NTRK3: variants seen among roughly 807,000 people sequenced by gnomAD.
NTRK3 encodes the protein neurotrophic receptor tyrosine kinase 3, also known as NT-3 growth factor receptor.
Under a neutral mutation model 91.7 loss-of-function variants are expected in NTRK3, and 24 were observed. The observed-to-expected ratio is 0.26, with a 90% confidence interval of 0.19 to 0.37. The LOEUF is 0.37. Among genes scored for constraint, NTRK3 ranks in the 10% least tolerant of loss-of-function variants. NTRK3 has a pLI of 1.00. For synonymous variants in NTRK3, 483 were observed against 404.0 expected (o/e 1.20, Z -2.34); for missense variants, 880 against 1,068.9 (o/e 0.82, Z 2.46).
intron 13 of NTRK3, chr15:88,072,471 T>TCCA (rs2047177591): frequency 4.3e-6 from 1 of 230,894 alleles, no homozygotes. Flanking sequence ...GTCTCACTCT[T>TCCA]CCAAGTCTTT....
chr15:87,985,371 T>C (rs1479480480), intron 14 of NTRK3, among the ~76,000 whole-genome samples: 1 of 152,228 alleles, frequency 6.6e-6, no homozygotes, highest in African/African-American at 2.4e-5. Context: ...AATATAGCTG[T>C]ACATTTCATG....
intron 13 of NTRK3, among the ~76,000 whole-genome samples, chr15:88,060,299 G>A (rs559363023): frequency 1.5e-4 from 22 of 150,608 alleles, no homozygotes; most frequent in Admixed American, 2.7e-4. Flanking sequence ...CAGGAAACTC[G>A]CTTAAACCCA....
chr15:87,938,879 C>A (rs1307091277), intron 15 of NTRK3, among the ~76,000 whole-genome samples: 4 of 152,170 alleles, frequency 2.6e-5, no homozygotes, highest in African/African-American at 7.2e-5. Context: ...TCTATGCAGG[C>A]ACACTGAGCA....
exon 3 of NTRK3, chr15:88,256,120 A>G: frequency 8.7e-6 from 14 of 1,604,716 alleles, no homozygotes; most frequent in Non-Finnish European, 1.0e-5. Context: ...ATCCGCCAGA[A>G]ACTACACTTG....
intron 5 of NTRK3, among the ~76,000 whole-genome samples, chr15:88,147,734 C>A (rs1030617400): frequency 2.6e-5 from 4 of 152,096 alleles, no homozygotes; most frequent in Non-Finnish European, 5.9e-5. Context: ...ATGAAGCCAT[C>A]CTTCTCTAAG....
intron 5 of NTRK3, among the ~76,000 whole-genome samples, chr15:88,166,667 T>C (rs757268652): frequency 1.1e-4 from 16 of 152,196 alleles, no homozygotes; most frequent in Non-Finnish European, 2.1e-4. Context: ...TTTGGGAACG[T>C]TGGACTCCTG....
At chr15:87,862,048 G>A (rs2064541391) in exon 19 of NTRK3, 1 of 213,026 alleles carries the variant, frequency 4.7e-6, no homozygotes, top group African/African-American at 2.3e-5. Context: ...AATATGGGAA[G>A]GTTCCTGGAT....
At chr15:87,894,534 C>T (rs973920555) in intron 17 of NTRK3, among the ~76,000 whole-genome samples, 1 of 152,122 alleles carries the variant, frequency 6.6e-6, no homozygotes, top group Admixed American at 6.5e-5. Context: ...GTGAAACTTC[C>T]CTTGGACATT....
chr15:87,946,869 G>C (rs1234026054), intron 14 of NTRK3, among the ~76,000 whole-genome samples: 2 of 142,188 alleles, frequency 1.4e-5, no homozygotes, highest in East Asian at 4.1e-4. Flanking sequence ...TGTCTTTCGT[G>C]GGTTCTTTTT....
chr15:88,158,007 C>A lies in NTRK3; in HGVS notation c.396-10604G>T, dbSNP rs75948177. Among the ~76,000 whole-genome samples, 406 of 152,288 alleles carry A rather than the reference C, an allele frequency of 2.7e-3. 7 individuals carry two copies. The East Asian group carries it at 0.032, about 12-fold the overall frequency. ...ATGGGTAAGGTCATGGCCTTTGGCA[C>A]CTCACGGGCCCGGGTGCCGGTCCTA... On this transcript the variant is annotated intron_variant, in intron 5 of 18. Transcript: ENST00000394480.
intron 6 of NTRK3, among the ~76,000 whole-genome samples, chr15:88,138,719 T>C (rs2042106763): frequency 6.6e-6 from 1 of 152,196 alleles, no homozygotes; most frequent in African/African-American, 2.4e-5. Context: ...CACTGCCCAG[T>C]CCCTTGCCAT....
At position 88,256,106 on chromosome 15, in the gene NTRK3, G is replaced by A. The variant is rs775598513; in HGVS notation, c.48C>T (p.Phe16=). The A allele has an allele frequency of 5.1e-6, 8 of 1,567,086 alleles. No homozygotes were observed. In the South Asian group the frequency reaches 8.8e-5, roughly 17 times the overall value. ...AGTCCAGCCAGACGCTTCCCAGCAA[G>A]AAAATCCGCCAGAAACTACACTTGG... The change falls in exon 3 of 19, where the codon TTC becomes TTT. Residue 16 remains phenylalanine (F), a synonymous_variant. Transcript: ENST00000394480.
intron 13 of NTRK3, among the ~76,000 whole-genome samples, chr15:88,110,526 T>A (rs1426595151): frequency 6.6e-6 from 1 of 152,140 alleles, no homozygotes; most frequent in African/African-American, 2.4e-5. Flanking sequence ...TTGGGTGCAA[T>A]GCCCAAGGGG....
chr15:87,925,505 A>G, intron 17 of NTRK3: 1 of 204,794 alleles, frequency 4.9e-6, no homozygotes, highest in East Asian at 7.2e-5. Flanking sequence ...TGTTAGGCAT[A>G]AGAAGCCAAC....
chr15:87,986,126 G>A (rs1426481102), intron 14 of NTRK3, among the ~76,000 whole-genome samples: 1 of 152,226 alleles, frequency 6.6e-6, no homozygotes, highest in Non-Finnish European at 1.5e-5. Context: ...TGTAATAGCT[G>A]AGCATCTTCT....
chr15:88,076,542 T>G (rs1241179504), intron 13 of NTRK3, among the ~76,000 whole-genome samples: 2 of 152,082 alleles, frequency 1.3e-5, no homozygotes, highest in Non-Finnish European at 2.9e-5. Flanking sequence ...AAATAATATT[T>G]CAATGTAAAC....
chr15:87,995,918 G>T (rs2075660514), intron 14 of NTRK3, among the ~76,000 whole-genome samples: 1 of 152,170 alleles, frequency 6.6e-6, no homozygotes, highest in South Asian at 2.1e-4. Context: ...TACAAAAGAT[G>T]ATTCTTCTTT....
intron 17 of NTRK3, 64 bp downstream of exon 18, chr15:87,885,630 G>A (rs2065490456): frequency 1.2e-6 from 1 of 834,118 alleles, no homozygotes; most frequent in East Asian, 3.0e-5. Context: ...TGAAACAATG[G>A]CTTAGTAATT....
chr15:88,009,969 G>T (rs1405746427), intron 14 of NTRK3, among the ~76,000 whole-genome samples: 1 of 152,204 alleles, frequency 6.6e-6, no homozygotes, highest in Non-Finnish European at 1.5e-5. Flanking sequence ...AAACATCATG[G>T]AGAAAGTAAA....
Sources: gnomAD v4.1 joint callset for allele counts (sites outside exome capture counted in the v4.1 genomes callset) on GRCh38, gnomAD v4.1.1 for gene constraint, MANE v1.5 for transcripts, NCBI Gene and HGNC (gene_info 2026-07-23, HGNC 2026-07-21) for gene names.